KCNG3: variants seen among roughly 807,000 people sequenced by gnomAD.
KCNG3 encodes voltage-gated potassium channel regulatory subunit KCNG3.
KCNG3 carries 15 observed loss-of-function variants against 29.0 expected under a neutral mutation model. The observed-to-expected ratio is 0.52, with a 90% CI of 0.35 to 0.80. KCNG3 has a LOEUF of 0.80. KCNG3 is among the 30% of genes least tolerant of loss of function. The pLI is 0.01. For missense variants in KCNG3, 512 were observed against 605.7 expected (o/e 0.85, Z 1.62); for synonymous variants, 322 against 248.9 (o/e 1.29, Z -2.76).
At chr2:42,457,749 G>A (rs948069811) in intron 1 of KCNG3, among the ~76,000 whole-genome samples, 7 of 151,076 alleles carry the variant, frequency 4.6e-5, no homozygotes, top group East Asian at 3.9e-4. Context: ...CCAGGAGTTC[G>A]AGGCTGCAGT....
intron 1 of KCNG3, chr2:42,470,224 T>C (rs749227290): frequency 2.9e-5 from 12 of 419,748 alleles, no homozygotes; most frequent in East Asian, 1.6e-4. Context: ...TCCCTCCCAA[T>C]TGGAAATATG....
the KCNG3 span, among the ~76,000 whole-genome samples, chr2:42,424,425 C>T: frequency 6.8e-6 from 1 of 147,830 alleles, no homozygotes; most frequent in East Asian, 2.0e-4. Flanking sequence ...AAAATTCCCC[C>T]TCCGTCCCTT....
intron 1 of KCNG3, among the ~76,000 whole-genome samples, chr2:42,455,441 C>G (rs6737575): frequency 0.21 from 32,575 of 152,116 alleles, 4,136 homozygotes; most frequent in East Asian, 0.57. Flanking sequence ...TTTAATATTA[C>G]AAGGACAACT....
intron 1 of KCNG3, among the ~76,000 whole-genome samples, chr2:42,455,764 G>A (rs1672860964): frequency 6.6e-6 from 1 of 151,516 alleles, no homozygotes; most frequent in Non-Finnish European, 1.5e-5. Flanking sequence ...CCAAAATCCT[G>A]TCTCTTAAAA....
intron 1 of KCNG3, among the ~76,000 whole-genome samples, chr2:42,469,233 A>G (rs935472555): frequency 2.6e-5 from 4 of 151,998 alleles, no homozygotes; most frequent in Non-Finnish European, 5.9e-5. Flanking sequence ...CCTGGCCAAC[A>G]TGGGGAAACC....
At chr2:42,473,348 T>C (rs955565961) in intron 1 of KCNG3, among the ~76,000 whole-genome samples, 15 of 149,558 alleles carry the variant, frequency 1.0e-4, no homozygotes, top group Non-Finnish European at 1.5e-5. Flanking sequence ...AGCATGTTTC[T>C]TTTTTTTTTG....
intron 1 of KCNG3, among the ~76,000 whole-genome samples, chr2:42,478,604 C>G (rs1014582101): frequency 6.6e-6 from 1 of 151,958 alleles, no homozygotes; most frequent in African/African-American, 2.4e-5. Context: ...TAAAAACTAA[C>G]ACAGTTTGGT....
rs116351091 is a variant in KCNG3 at position 42,456,314 on chromosome 2, T to C, written c.666-11735A>G. On this transcript the variant is annotated intron_variant, in intron 1 of 1. Transcript: ENST00000306078. Reference sequence around the variant, plus strand: ...ACGCAGGAGGATTACTTGAGTCATCTTCTTAGTAGTTCGAGTCCAGTCTGG... The same window carrying C: ...ACGCAGGAGGATTACTTGAGTCATCCTCTTAGTAGTTCGAGTCCAGTCTGG... Among the ~76,000 whole-genome samples, 1,196 of 152,142 alleles carry C rather than the reference T, an allele frequency of 7.9e-3. 12 individuals carry two copies. The highest frequency in any genetic ancestry group is 0.028 in the African/African-American group (1,148 of 41,490).
At chr2:42,447,701 T>C (rs568984988) in intron 1 of KCNG3, among the ~76,000 whole-genome samples, 3 of 151,808 alleles carry the variant, frequency 2.0e-5, no homozygotes, top group African/African-American at 7.3e-5. Context: ...TTTTTTTTTC[T>C]TTTTTTTATA....
At chr2:42,429,858 G>A in the KCNG3 span, among the ~76,000 whole-genome samples, 3 of 152,172 alleles carry the variant, frequency 2.0e-5, 1 homozygote, top group African/African-American at 7.2e-5. Context: ...CAATGCGGGT[G>A]AGAGTGATGC....
At chr2:42,489,392 C>A (rs1033853277) in intron 1 of KCNG3, among the ~76,000 whole-genome samples, 1 of 151,986 alleles carries the variant, frequency 6.6e-6, no homozygotes, top group Non-Finnish European at 1.5e-5. Context: ...TCTTCTCAAT[C>A]AATCAACAAA....
Position 42,492,364 on chromosome 2 carries a change from G to A in KCNG3, c.665+473C>T, listed in dbSNP as rs560750899. Among the ~76,000 whole-genome samples, 35 of 152,246 alleles carry A rather than the reference G, an allele frequency of 2.3e-4. No individual in the cohort carries two copies. In the East Asian group the frequency reaches 6.6e-3, roughly 29 times the overall value. On this transcript the variant is annotated intron_variant, in intron 1 of 1. Transcript: ENST00000306078. ...ATTCCATTACAGCACATAGTATGCC[G>A]GGGGCAGAGTGTATAGAATGTGTGG...
At chr2:42,463,910 C>A (rs1673080636) in intron 1 of KCNG3, 5 of 311,744 alleles carry the variant, frequency 1.6e-5, no homozygotes, top group South Asian at 1.4e-4. Context: ...GTTTTCAAAT[C>A]AAGTTTTATT....
At chr2:42,479,423 C>A (rs536478757) in intron 1 of KCNG3, among the ~76,000 whole-genome samples, 1 of 152,072 alleles carries the variant, frequency 6.6e-6, no homozygotes, top group Admixed American at 6.6e-5. Flanking sequence ...GTGGGCAAAT[C>A]CCTTGAGCTA....
At chr2:42,462,235 A>C (rs1673037265) in intron 1 of KCNG3, among the ~76,000 whole-genome samples, 1 of 152,216 alleles carries the variant, frequency 6.6e-6, no homozygotes, top group Non-Finnish European at 1.5e-5. Flanking sequence ...GTGCAAGGGC[A>C]AAAAAGCACA....
chr2:42,475,786 C>A (rs1440217749), intron 1 of KCNG3, among the ~76,000 whole-genome samples: 2 of 152,052 alleles, frequency 1.3e-5, no homozygotes, highest in African/African-American at 4.8e-5. Context: ...TAAAATCGGG[C>A]CAAGCACAGT....
At chr2:42,453,167 G>T (rs538458366) in intron 1 of KCNG3, among the ~76,000 whole-genome samples, 7 of 152,148 alleles carry the variant, frequency 4.6e-5, no homozygotes, top group Non-Finnish European at 8.8e-5. Context: ...GTGAGTGCAC[G>T]TATCTTTCTG....
chr2:42,491,385 A>G (rs1673873567), intron 1 of KCNG3, among the ~76,000 whole-genome samples: 2 of 152,116 alleles, frequency 1.3e-5, no homozygotes, highest in Non-Finnish European at 2.9e-5. Flanking sequence ...ATCTGCACTA[A>G]TAATAATTCA....
chr2:42,399,683 T>C, the KCNG3 span, among the ~76,000 whole-genome samples: 2 of 152,006 alleles, frequency 1.3e-5, no homozygotes, highest in African/African-American at 4.8e-5. Context: ...AAGAGAAATT[T>C]CTGAAGAGAT....
Sources: gnomAD v4.1 joint callset for allele counts (sites outside exome capture counted in the v4.1 genomes callset) on GRCh38, gnomAD v4.1.1 for gene constraint, MANE v1.5 for transcripts, NCBI Gene and HGNC (gene_info 2026-07-23, HGNC 2026-07-21) for gene names.